CNTNAP2: variants seen among roughly 807,000 people sequenced by gnomAD.
CNTNAP2 encodes the protein contactin associated protein 2.
In CNTNAP2, 98 loss-of-function variants were observed where a neutral mutation model predicts 155.2. The ratio of observed to expected loss-of-function variants is 0.63; its 90% confidence interval spans 0.54 to 0.75. CNTNAP2 has a LOEUF of 0.75. CNTNAP2 is among the 30% of genes least tolerant of loss of function. The pLI is 0.00. For missense variants in CNTNAP2, 1,727 were observed against 1,688.1 expected (o/e 1.02, Z -0.40); for synonymous variants, 651 against 631.2 (o/e 1.03, Z -0.47).
chr7:147,535,159 G>A (rs1445828449), intron 11 of CNTNAP2, among the ~76,000 whole-genome samples: 10 of 152,154 alleles, frequency 6.6e-5, no homozygotes, highest in African/African-American at 1.9e-4. Flanking sequence ...TTGAGAGGCC[G>A]AGGCGGATGG....
intron 1 of CNTNAP2, among the ~76,000 whole-genome samples, chr7:146,738,383 T>C (rs1007953662): frequency 6.6e-6 from 1 of 152,058 alleles, no homozygotes; most frequent in African/African-American, 2.4e-5. Context: ...TGTTGACTTG[T>C]TTGAGTACCT....
chr7:148,096,832 A>G (rs1803981673), intron 15 of CNTNAP2, among the ~76,000 whole-genome samples: 1 of 152,170 alleles, frequency 6.6e-6, no homozygotes, highest in Non-Finnish European at 1.5e-5. Context: ...GAGCTTCCCT[A>G]CTGGGAAAGA....
intron 12 of CNTNAP2, among the ~76,000 whole-genome samples, chr7:147,569,229 CAGTATT>C (rs1346177267): frequency 7.2e-5 from 11 of 152,262 alleles, no homozygotes; most frequent in African/African-American, 2.4e-4. Context: ...CGCTTGCACT[CAGTATT>C]AGTATCGTAT....
chr7:146,714,196 A>G (rs926883696), intron 1 of CNTNAP2, among the ~76,000 whole-genome samples: 2 of 152,080 alleles, frequency 1.3e-5, no homozygotes, highest in Non-Finnish European at 2.9e-5. Flanking sequence ...TCCTTTGTGC[A>G]TTTCTCTTCA....
intron 13 of CNTNAP2, among the ~76,000 whole-genome samples, chr7:147,842,087 T>G (rs1798743651): frequency 6.6e-6 from 1 of 152,236 alleles, no homozygotes; most frequent in Non-Finnish European, 1.5e-5. Context: ...GTTACACAGG[T>G]GCTTAATATT....
chr7:146,647,042 C>T (rs1249577684), intron 1 of CNTNAP2, among the ~76,000 whole-genome samples: 3 of 152,152 alleles, frequency 2.0e-5, no homozygotes, highest in African/African-American at 4.8e-5. Context: ...CAGGGACTCC[C>T]GGCCATATGC....
At chr7:146,416,791 G>C (rs926847118) in intron 1 of CNTNAP2, among the ~76,000 whole-genome samples, 4 of 151,984 alleles carry the variant, frequency 2.6e-5, no homozygotes, top group Non-Finnish European at 5.9e-5. Flanking sequence ...TTTAAGTTCT[G>C]ATCACATTTC....
intron 22 of CNTNAP2, among the ~76,000 whole-genome samples, chr7:148,394,314 C>T (rs1799417695): frequency 1.3e-5 from 2 of 152,090 alleles, no homozygotes; most frequent in Non-Finnish European, 2.9e-5. Flanking sequence ...TCTAAATTCC[C>T]TTCATTTCTG....
chr7:146,419,181 T>C (rs991047396), intron 1 of CNTNAP2, among the ~76,000 whole-genome samples: 5 of 152,098 alleles, frequency 3.3e-5, no homozygotes, highest in African/African-American at 1.2e-4. Flanking sequence ...ACATCTTACA[T>C]GCCAGCAAAC....
At chr7:147,366,437 C>T (rs1796230809) in intron 9 of CNTNAP2, among the ~76,000 whole-genome samples, 1 of 151,676 alleles carries the variant, frequency 6.6e-6, no homozygotes, top group Non-Finnish European at 1.5e-5. Context: ...TCATAATTTC[C>T]TTTTCTCTGC....
intron 1 of CNTNAP2, among the ~76,000 whole-genome samples, chr7:146,203,286 G>A (rs1798896163): frequency 6.6e-6 from 1 of 152,188 alleles, no homozygotes; most frequent in South Asian, 2.1e-4. Flanking sequence ...CACTTCAGAA[G>A]TCAACAGAAA....
intron 1 of CNTNAP2, among the ~76,000 whole-genome samples, chr7:146,583,856 T>G (rs1798648573): frequency 6.6e-6 from 1 of 152,200 alleles, no homozygotes; most frequent in South Asian, 2.1e-4. Context: ...TGAGCCATAT[T>G]TATACACAGT....
intron 17 of CNTNAP2, among the ~76,000 whole-genome samples, chr7:148,150,102 CAAAAAAAAAAAAA>C (rs71188948): frequency 1.3e-4 from 11 of 84,528 alleles, no homozygotes; most frequent in East Asian, 3.2e-4. Flanking sequence ...GGGGTTGTTA[CAAAAAAAAAAAAA>C]AAAAAAAAAA....
At chr7:147,566,577 T>G (rs1376691753) in intron 12 of CNTNAP2, among the ~76,000 whole-genome samples, 1 of 152,192 alleles carries the variant, frequency 6.6e-6, no homozygotes, top group Admixed American at 6.5e-5. Flanking sequence ...AGATGCCTTC[T>G]TCACAAGGCG....
At chr7:147,628,748 A>T (rs1391672496) in intron 12 of CNTNAP2, among the ~76,000 whole-genome samples, 1 of 152,202 alleles carries the variant, frequency 6.6e-6, no homozygotes, top group African/African-American at 2.4e-5. Context: ...ACACATAAGG[A>T]CTCACATAAA....
chr7:146,845,550 A>G (rs1803825158), intron 3 of CNTNAP2, among the ~76,000 whole-genome samples: 1 of 152,184 alleles, frequency 6.6e-6, no homozygotes, highest in Non-Finnish European at 1.5e-5. Context: ...CTCCAAATCT[A>G]GTGTAGTATG....
Position 147,365,988 on chromosome 7 carries a change from G to A in CNTNAP2, c.1499-29621G>A, listed in dbSNP as rs796106678. Among the ~76,000 whole-genome samples the A allele has an allele frequency of 2.8e-4, 43 of 152,196 alleles. 2 individuals are homozygous for A. Among genetic ancestry groups the A allele is most frequent in the African/African-American group, 1.0e-3 (43 of 41,524 alleles). On this transcript the variant is annotated intron_variant, in intron 9 of 23. Transcript: ENST00000361727. ...CCGTTTTTTATTCGGCACTGATTAT[G>A]ATGCTGAAATAATTATTTGTGTGAA...
At chr7:148,304,239 G>A (rs939871893) in intron 21 of CNTNAP2, among the ~76,000 whole-genome samples, 2 of 150,904 alleles carry the variant, frequency 1.3e-5, no homozygotes, top group Admixed American at 1.3e-4. Flanking sequence ...CATCAAAGAA[G>A]GGAGGTGCTT....
At chr7:147,960,990 A>G (rs1044014753) in intron 14 of CNTNAP2, among the ~76,000 whole-genome samples, 4 of 152,196 alleles carry the variant, frequency 2.6e-5, no homozygotes, top group Non-Finnish European at 5.9e-5. Flanking sequence ...AAAATTATAT[A>G]CAAAGAGGTA....
Sources: allele counts gnomAD v4.1 joint callset (sites outside exome capture counted in the v4.1 genomes callset), GRCh38; gene constraint gnomAD v4.1.1; transcripts MANE v1.5; gene names NCBI Gene and HGNC (gene_info 2026-07-23, HGNC 2026-07-21).